PNLIPRP1: variants seen among roughly 807,000 people sequenced by gnomAD.
PNLIPRP1 encodes pancreatic lipase related protein 1.
PNLIPRP1 carries 57 observed loss-of-function variants against 54.6 expected under a neutral mutation model. The observed-to-expected ratio is 1.04, with a 90% CI of 0.84 to 1.30. PNLIPRP1 has a LOEUF of 1.30. Among genes scored for constraint, PNLIPRP1 ranks in the 50% most tolerant of loss-of-function variants. The pLI, the probability that PNLIPRP1 is intolerant of heterozygous loss-of-function variation, is 0.00. For synonymous variants in PNLIPRP1, 232 were observed against 208.8 expected (o/e 1.11, Z -0.96); for missense variants, 567 against 568.5 (o/e 1.00, Z 0.03).
intron 3 of PNLIPRP1, 156 bp downstream of exon 3, chr10:116,592,081 G>A (rs1847649467): frequency 8.1e-6 from 6 of 739,336 alleles, no homozygotes; most frequent in Non-Finnish European, 1.3e-5. Flanking sequence ...AGACAGAGCA[G>A]GTCTTTAGTA....
Position 116,598,216 on chromosome 10 carries a change from G to A in PNLIPRP1, c.814+50G>A, listed in dbSNP as rs548900391. 5.3e-6 allele frequency: 8 copies of A among 1,507,728 alleles called. No homozygotes were observed. In the African/African-American group the frequency reaches 8.4e-5, roughly 16 times the overall value. 93.4% of individuals were successfully genotyped at this position (1,507,728 alleles called of 1,614,324 possible). A position where few individuals can be genotyped will look rare whatever the true frequency, so the allele number is the denominator to read the frequency against. On this transcript the variant is annotated intron_variant, in intron 8 of 12. Coordinates refer to ENST00000358834, the MANE Select transcript of PNLIPRP1 (RefSeq NM_006229.4). ...AGCAGGGCGGGTACTTTCCTGGAGT[G>A]ACCAATACCTTTCTGCAGCAAATCT...
At position 116,608,210 on chromosome 10, in the gene PNLIPRP1, G is replaced by GT. The variant is rs1264801987; in HGVS notation, c.1341-840dup. On this transcript the variant is annotated intron_variant, in intron 12 of 12. Coordinates refer to ENST00000358834, the MANE Select transcript of PNLIPRP1 (RefSeq NM_006229.4). ...TGGAGGGAATCCTAGTGGGCAGGTT[G>GT]TTTAGTAGGAATTAATACCCCAATA... is the stretch of plus-strand genomic sequence containing the variant. Among the ~76,000 whole-genome samples, 12 of 152,268 alleles carry GT rather than the reference G, an allele frequency of 7.9e-5. 1 individual carries two copies. The South Asian group carries it at 2.3e-3, about 29-fold the overall frequency.
At chr10:116,600,364 T>C (rs1554864610) in intron 9 of PNLIPRP1, 199 bp downstream of exon 9, 1 of 478,360 alleles carries the variant, frequency 2.1e-6, no homozygotes, top group Non-Finnish European at 3.7e-6. Context: ...ACATGAGTTA[T>C]GTGGCAGAGG....
At chr10:116,592,048 GC>G (rs1324513948) in intron 3 of PNLIPRP1, 123 bp downstream of exon 3, 4 of 1,058,798 alleles carry the variant, frequency 3.8e-6, no homozygotes, top group African/African-American at 1.6e-5. Flanking sequence ...CCCTCAAGCT[GC>G]CCCCCAGACC....
chr10:116,602,210 G>A (rs533494414), intron 10 of PNLIPRP1, among the ~76,000 whole-genome samples: 8 of 152,046 alleles, frequency 5.3e-5, no homozygotes, highest in Middle Eastern at 3.4e-3. Context: ...TAGTAGAGAC[G>A]GGGTTTCACC....
intron 10 of PNLIPRP1, among the ~76,000 whole-genome samples, chr10:116,602,008 A>G (rs1478382083): frequency 7.0e-6 from 1 of 143,294 alleles, no homozygotes; most frequent in Non-Finnish European, 1.5e-5. Context: ...CATATATATC[A>G]CTCTGTAATT....
intron 9 of PNLIPRP1, among the ~76,000 whole-genome samples, chr10:116,600,780 C>T (rs1847822633): frequency 6.6e-6 from 1 of 152,172 alleles, no homozygotes; most frequent in Non-Finnish European, 1.5e-5. Flanking sequence ...TGTCCCAGAG[C>T]TTTTGCTGCT....
intron 9 of PNLIPRP1, chr10:116,600,645 C>T (rs571256437): frequency 4.6e-5 from 8 of 173,858 alleles, no homozygotes; most frequent in Admixed American, 5.6e-5. Flanking sequence ...TTCTGGCTCA[C>T]GAAAGCCAGC....
At chr10:116,605,935 G>A (rs1294697696) in intron 12 of PNLIPRP1, among the ~76,000 whole-genome samples, 1 of 152,140 alleles carries the variant, frequency 6.6e-6, no homozygotes, top group Admixed American at 6.5e-5. Flanking sequence ...AAAATAAATC[G>A]GTTTTAGGAA....
rs782003301 is a variant in PNLIPRP1, at chr10:116,592,583, A to G, written c.330+42A>G. 2.0e-5 allele frequency: 32 copies of G among 1,610,394 alleles called. No individual in the cohort carries two copies. In the Admixed American group the frequency reaches 2.0e-4, roughly 10 times the overall value. ...ATCCCTGTGGCCAGCTGAGGCCAAC[A>G]CTTCTGCTAACATCTCTGCATCACT... On this transcript the variant is annotated intron_variant, in intron 4 of 12. Coordinates refer to ENST00000358834, the MANE Select transcript of PNLIPRP1 (RefSeq NM_006229.4).
Position 116,597,959 on chromosome 10 carries a change from G to A in PNLIPRP1, c.694+12G>A, listed in dbSNP as rs1554864179. On this transcript the variant is annotated intron_variant, in intron 7 of 12. Coordinates refer to ENST00000358834, the MANE Select transcript of PNLIPRP1 (RefSeq NM_006229.4). ...GATCCCATTCTTGGGTGAGACCTAT[G>A]ATGCTCCAGCTGTGAGCACGCACAA... 4.3e-6 allele frequency: 7 copies of A among 1,614,192 alleles called. No homozygotes were observed. Among genetic ancestry groups the A allele is most frequent in the Non-Finnish European group, 5.9e-6 (7 of 1,180,036 alleles).
intron 10 of PNLIPRP1, among the ~76,000 whole-genome samples, chr10:116,603,610 T>C (rs535744236): frequency 4.2e-4 from 64 of 152,280 alleles, no homozygotes; most frequent in African/African-American, 1.5e-3. Context: ...TCTTATACTT[T>C]GGCTGGGTGT....
chr10:116,601,467 C>A (rs1847838357), intron 10 of PNLIPRP1, among the ~76,000 whole-genome samples: 1 of 152,126 alleles, frequency 6.6e-6, no homozygotes, highest in Admixed American at 6.6e-5. Flanking sequence ...TCCTTGTGAC[C>A]AGCTACCCTG....
intron 2 of PNLIPRP1, 22 bp from the exon 3 acceptor site, chr10:116,591,749 C>T (rs782639482): frequency 1.2e-6 from 2 of 1,613,056 alleles, no homozygotes; most frequent in East Asian, 4.5e-5. Context: ...AATCCTTGAG[C>T]AGATTCAACC....
intron 10 of PNLIPRP1, among the ~76,000 whole-genome samples, chr10:116,601,675 T>C (rs1554864803): frequency 6.6e-6 from 1 of 152,076 alleles, no homozygotes; most frequent in African/African-American, 2.4e-5. Flanking sequence ...GCTGGTGGAG[T>C]GCAGGCAGGA....
chr10:116,591,223 G>A (rs1847630585), intron 2 of PNLIPRP1, 45 bp downstream of exon 2: 2 of 1,512,724 alleles, frequency 1.3e-6, no homozygotes, highest in Non-Finnish European at 1.8e-6. Context: ...TTAAACTTAA[G>A]CTCTCAGCCC....
intron 4 of PNLIPRP1, among the ~76,000 whole-genome samples, chr10:116,593,379 C>T (rs1847676433): frequency 6.6e-6 from 1 of 152,084 alleles, no homozygotes; most frequent in South Asian, 2.1e-4. Context: ...TACCATCATC[C>T]TTTCTATTTA....
intron 9 of PNLIPRP1, chr10:116,600,590 G>A (rs183951991): frequency 2.3e-4 from 41 of 174,638 alleles, no homozygotes; most frequent in Admixed American, 2.3e-3. Context: ...ATGCCAGGCT[G>A]GCAACAAGGG....
intron 11 of PNLIPRP1, 56 bp downstream of exon 11, chr10:116,604,194 C>A: frequency 3.2e-6 from 3 of 923,938 alleles, no homozygotes; most frequent in Admixed American, 1.9e-5. Context: ...GCCTTCAAAC[C>A]ACACACTTAA....
Sources: allele counts gnomAD v4.1 joint callset (sites outside exome capture counted in the v4.1 genomes callset), GRCh38; gene constraint gnomAD v4.1.1; transcripts MANE v1.5; gene names NCBI Gene and HGNC (gene_info 2026-07-23, HGNC 2026-07-21).